The following ATRN variants were observed in gnomAD, a reference collection of about 807,000 sequenced individuals.
The protein encoded by ATRN is attractin, also known as attractin-2.
In ATRN, 54 loss-of-function variants were observed where a neutral mutation model predicts 178.7. The observed-to-expected ratio is 0.30, with a 90% CI of 0.24 to 0.38. The LOEUF (loss-of-function observed/expected upper bound fraction) is 0.38, where lower values mean the gene tolerates loss of function less well. ATRN is among the 10% of genes least tolerant of loss of function. ATRN has a pLI of 1.00. For synonymous variants in ATRN, 636 were observed against 663.0 expected (o/e 0.96, Z 0.63); for missense variants, 1,443 against 1,815.1 (o/e 0.79, Z 3.73).
At chr20:3,628,370 T>C (rs977729978) in intron 25 of ATRN, among the ~76,000 whole-genome samples, 7 of 152,190 alleles carry the variant, frequency 4.6e-5, no homozygotes, top group Non-Finnish European at 1.0e-4. Context: ...AGTTTGAGTT[T>C]GGGAACAAGA....
At chr20:3,471,599 G>A in intron 1 of ATRN, 82 bp downstream of exon 1, 2 of 1,348,818 alleles carry the variant, frequency 1.5e-6, no homozygotes, top group East Asian at 3.1e-5. Context: ...CAGGTCAGAG[G>A]GAGATGCTGG....
intron 11 of ATRN, among the ~76,000 whole-genome samples, chr20:3,565,796 CAA>C (rs10582104): frequency 3.0e-5 from 3 of 100,244 alleles, no homozygotes; most frequent in Non-Finnish European, 5.9e-5. Flanking sequence ...GACTCTGTCT[CAA>C]AAAAAAAAAA....
chr20:3,544,733 A>G (rs772095375), intron 3 of ATRN, among the ~76,000 whole-genome samples: 45 of 152,090 alleles, frequency 3.0e-4, no homozygotes, highest in Non-Finnish European at 2.6e-4. Flanking sequence ...CTGTATTGAT[A>G]CGATTTCAAA....
chr20:3,573,475 C>G (rs1225361501), intron 12 of ATRN, among the ~76,000 whole-genome samples: 2 of 152,122 alleles, frequency 1.3e-5, no homozygotes, highest in Non-Finnish European at 1.5e-5. Flanking sequence ...AGAGTCAGCC[C>G]AGAAAAGCCA....
chr20:3,554,740 C>CAT (rs1874313994), intron 6 of ATRN, among the ~76,000 whole-genome samples: 1 of 152,098 alleles, frequency 6.6e-6, no homozygotes, highest in South Asian at 2.1e-4. Context: ...TTTTTAGTTG[C>CAT]ATTAAAAAGC....
chr20:3,549,079 A>C, intron 5 of ATRN, 91 bp from the exon 6 acceptor site: 1 of 1,066,574 alleles, frequency 9.4e-7, no homozygotes, highest in Non-Finnish European at 1.3e-6. Flanking sequence ...ACTATTATTT[A>C]AATATTTGTT....
intron 27 of ATRN, among the ~76,000 whole-genome samples, chr20:3,641,160 A>G (rs2087064393): frequency 6.6e-6 from 1 of 152,242 alleles, no homozygotes; most frequent in Admixed American, 6.5e-5. Context: ...GAGTTTTACA[A>G]GATGAAAAGA....
intron 1 of ATRN, among the ~76,000 whole-genome samples, chr20:3,506,945 A>G (rs2085052877): frequency 6.6e-6 from 1 of 152,146 alleles, no homozygotes; most frequent in South Asian, 2.1e-4. Context: ...AGAATTAGTT[A>G]ACTATAAGAT....
At chr20:3,554,990 C>CTTTTTTTTTTTTTTTTTTT (rs536209701) in intron 6 of ATRN, among the ~76,000 whole-genome samples, 1 of 67,458 alleles carries the variant, frequency 1.5e-5, no homozygotes, top group African/African-American at 7.0e-5. Flanking sequence ...GACCTGACCT[C>CTTTTTTTTTTTTTTTTTTT]TTTTTTTTTT....
chr20:3,493,005 AAT>A, intron 1 of ATRN, among the ~76,000 whole-genome samples: 1 of 146,724 alleles, frequency 6.8e-6, no homozygotes, highest in East Asian at 1.9e-4. Flanking sequence ...AATTATGTAA[AAT>A]ATAATTGTAT....
intron 24 of ATRN, among the ~76,000 whole-genome samples, chr20:3,621,968 C>T (rs1048199914): frequency 6.6e-6 from 1 of 152,172 alleles, no homozygotes; most frequent in Non-Finnish European, 1.5e-5. Flanking sequence ...ATTAATGTAT[C>T]AGTGGCTGCT....
intron 27 of ATRN, among the ~76,000 whole-genome samples, chr20:3,643,797 G>T (rs1386074243): frequency 2.6e-5 from 4 of 152,180 alleles, no homozygotes; most frequent in African/African-American, 9.7e-5. Context: ...AATCTACCAA[G>T]CACTCACCAC....
intron 24 of ATRN, among the ~76,000 whole-genome samples, chr20:3,622,495 T>C (rs568220513): frequency 6.6e-6 from 1 of 151,292 alleles, no homozygotes; most frequent in South Asian, 2.1e-4. Flanking sequence ...GCCTTTTACA[T>C]TGAGTAATTT....
At position 3,541,076 on chromosome 20, in the gene ATRN, A is replaced by ATTTT. The variant is rs1331876349; in HGVS notation, c.608+757_608+760dup. Among the ~76,000 whole-genome samples, 122 of 119,024 alleles carry ATTTT rather than the reference A, an allele frequency of 1.0e-3. 1 individual carries two copies. Among genetic ancestry groups the ATTTT allele is most frequent in the African/African-American group, 3.5e-3 (116 of 33,258 alleles). 78.1% of individuals were successfully genotyped at this position (119,024 alleles called of 152,430 possible). A position where few individuals can be genotyped will look rare whatever the true frequency, so the allele number is the denominator to read the frequency against. ...TTTTCTTCCTTTTACATGATAGAGG[A>ATTTT]TTTTTTTTTTTTTTTTTTTGAGACG... On this transcript the variant is annotated intron_variant, in intron 3 of 28. Coordinates refer to ENST00000262919, the MANE Select transcript of ATRN (RefSeq NM_139321.3).
chr20:3,604,147 C>A lies in ATRN; in HGVS notation c.3686C>A (p.Thr1229Asn). Residue 1229 changes from threonine to asparagine, a missense_variant, in exon 24 of 29, where the codon ACC (threonine) becomes AAC (asparagine). Thr to Asn is a moderately conservative substitution (Grantham distance 65). Around this residue, in one of 4 missense-constraint regions of ATRN, gnomAD observed 289 missense variants for 440.8 expected, o/e 0.66. Coordinates refer to ENST00000262919, the MANE Select transcript of ATRN (RefSeq NM_139321.3). The stretch of plus-strand genomic sequence containing the variant: ...GAAGAGATGCCTGTTGTTTCAAAAA[C>A]CAACATTAAGGAGTACAAAGATAGT... ...AGEEMPVVSK[T>N]NIKEYKDSFS... 2.5e-6 allele frequency: 4 copies of A among 1,602,238 alleles called. No homozygotes were observed. The highest frequency in any genetic ancestry group is 2.5e-6 in the Non-Finnish European group (3 of 1,176,936).
chr20:3,544,557 A>G (rs1276221120), intron 3 of ATRN, among the ~76,000 whole-genome samples: 4 of 152,266 alleles, frequency 2.6e-5, no homozygotes, highest in African/African-American at 9.6e-5. Flanking sequence ...TGGACATATG[A>G]AGAAATGCAA....
At chr20:3,564,006 T>C (rs2146226538) in intron 10 of ATRN, among the ~76,000 whole-genome samples, 1 of 152,328 alleles carries the variant, frequency 6.6e-6, no homozygotes, top group South Asian at 2.1e-4. Flanking sequence ...AGACTGAAGC[T>C]GTATACCCAT....
At position 3,500,387 on chromosome 20, in the gene ATRN, G is replaced by A. The variant is rs535982349; in HGVS notation, c.410+28870G>A. Among the ~76,000 whole-genome samples the A allele has an allele frequency of 5.9e-5, 9 of 151,992 alleles. No individual in the cohort carries two copies. The East Asian group carries it at 1.2e-3, about 20-fold the overall frequency. On this transcript the variant is annotated intron_variant, in intron 1 of 28. Coordinates refer to ENST00000262919, the MANE Select transcript of ATRN (RefSeq NM_139321.3). Reference sequence around the variant, plus strand: ...TGCTGCTATAAAGACACATGCACACGTATGTTTATAGTGGCACTATTCACA... The same window carrying A: ...TGCTGCTATAAAGACACATGCACACATATGTTTATAGTGGCACTATTCACA...
chr20:3,498,449 G>C (rs238714), intron 1 of ATRN, among the ~76,000 whole-genome samples: 39,955 of 151,174 alleles, frequency 0.26, 5,847 homozygotes, highest in African/African-American at 0.33. Flanking sequence ...TACTGGCAAA[G>C]CGAATCCAGC....
Sources: gnomAD v4.1 joint callset for allele counts (sites outside exome capture counted in the v4.1 genomes callset) on GRCh38, gnomAD v4.1.1 for gene constraint, gnomAD v4.1.1 regional missense constraint, MANE v1.5 for transcripts, NCBI Gene and HGNC (gene_info 2026-07-23, HGNC 2026-07-21) for gene names.